Variants in LNX1 observed in about 807,000 individuals in gnomAD.
The protein encoded by LNX1 is E3 ubiquitin-protein ligase LNX.
A neutral mutation model predicts 68.4 loss-of-function variants in LNX1; 54 were observed. That is an observed-to-expected ratio of 0.79 (90% confidence interval 0.63 to 0.99). The LOEUF is 0.99. LNX1 is among the 50% of genes least tolerant of loss of function. The pLI is 0.00. For missense variants in LNX1, 906 were observed against 926.4 expected, an observed-to-expected ratio of 0.98 and a Z score of 0.29; for synonymous variants, 336 against 350.0, an observed-to-expected ratio of 0.96 and a Z score of 0.45.
intron 2 of LNX1, among the ~76,000 whole-genome samples, chr4:53,528,134 G>A (rs190232241): frequency 3.9e-5 from 6 of 152,286 alleles, no homozygotes; most frequent in African/African-American, 7.2e-5. Flanking sequence ...TCCGCTCAGC[G>A]TATTTTCCCT....
rs115931379 is a variant in LNX1 at position 53,460,757 on chromosome 4, G to A, written c.*150C>T. On this transcript the variant is annotated 3_prime_UTR_variant, in exon 11 of 11. Coordinates refer to ENST00000263925, the MANE Select transcript of LNX1 (RefSeq NM_001126328.3). ...TTTTTGGAATCATATTTTCTGAGGT[G>A]TAACTGGCTTTCATTAGATGATCAT... 2.6e-6 allele frequency: 2 copies of A among 766,792 alleles called. No homozygotes were observed. The highest frequency in any genetic ancestry group is 1.9e-5 in the African/African-American group (1 of 53,822). The allele number at this position is 766,792 out of a possible 1,614,324, so 47.5% of individuals were successfully genotyped here. A position where few individuals can be genotyped will look rare whatever the true frequency, so the allele number is the denominator to read the frequency against.
At chr4:53,474,572 A>G (rs903513802) in intron 9 of LNX1, among the ~76,000 whole-genome samples, 20 of 152,238 alleles carry the variant, frequency 1.3e-4, no homozygotes, top group Admixed American at 1.2e-3. Flanking sequence ...AGGGAGGGAG[A>G]CTTACTTTTT....
intron 9 of LNX1, among the ~76,000 whole-genome samples, chr4:53,471,567 G>A (rs1314518595): frequency 6.6e-6 from 1 of 152,004 alleles, no homozygotes; most frequent in Non-Finnish European, 1.5e-5. Context: ...CTACAGAATG[G>A]GAGAACATTT....
intron 2 of LNX1, among the ~76,000 whole-genome samples, chr4:53,519,892 G>A (rs1221462002): frequency 1.3e-5 from 2 of 152,218 alleles, no homozygotes; most frequent in African/African-American, 4.8e-5. Context: ...AGGACTGACT[G>A]GATTCTTGAG....
intron 2 of LNX1, among the ~76,000 whole-genome samples, chr4:53,535,780 A>C (rs1728331401): frequency 1.3e-5 from 2 of 152,212 alleles, no homozygotes; most frequent in South Asian, 4.1e-4. Flanking sequence ...TTCCTCATTC[A>C]TAGTAATTCA....
chr4:53,602,458 G>A (rs1183059785), intron 2 of LNX1, among the ~76,000 whole-genome samples: 3 of 152,168 alleles, frequency 2.0e-5, no homozygotes. Flanking sequence ...CTGTCTTAGG[G>A]TCCTGCAGCA....
At chr4:53,647,671 T>C (rs1734938409) in intron 1 of LNX1, among the ~76,000 whole-genome samples, 1 of 152,230 alleles carries the variant, frequency 6.6e-6, no homozygotes, top group African/African-American at 2.4e-5. Context: ...TCAGTAGTGT[T>C]AAGTGCATTC....
At chr4:53,605,818 T>C (rs1208870692) in intron 2 of LNX1, among the ~76,000 whole-genome samples, 1 of 152,208 alleles carries the variant, frequency 6.6e-6, no homozygotes, top group African/African-American at 2.4e-5. Context: ...TTATCCATCA[T>C]CTATCAATGG....
intron 2 of LNX1, among the ~76,000 whole-genome samples, chr4:53,613,802 A>C (rs533390861): frequency 3.3e-5 from 5 of 152,298 alleles, no homozygotes; most frequent in African/African-American, 1.2e-4. Flanking sequence ...AGAATGATTT[A>C]TATTCCTTTG....
intron 2 of LNX1, among the ~76,000 whole-genome samples, chr4:53,569,042 G>A (rs1730938718): frequency 6.6e-6 from 1 of 150,882 alleles, no homozygotes; most frequent in Non-Finnish European, 1.5e-5. Context: ...AACATTCCAT[G>A]CTCATGGGTA....
chr4:53,541,136 CA>C (rs72599381), intron 2 of LNX1, among the ~76,000 whole-genome samples: 3 of 24,108 alleles, frequency 1.2e-4, no homozygotes, highest in East Asian at 7.8e-4. Context: ...GACTCTAACT[CA>C]AAAAAAAAAG....
Position 53,466,718 on chromosome 4 carries a change from GC to G in LNX1, c.1893-5126del, listed in dbSNP as rs1031857474. Among the ~76,000 whole-genome samples, 51 of 152,246 alleles carry G rather than the reference GC, an allele frequency of 3.3e-4. 1 individual carries two copies. Among genetic ancestry groups the G allele is most frequent in the African/African-American group, 1.1e-3 (47 of 41,468 alleles). On this transcript the variant is annotated intron_variant, in intron 9 of 10. Coordinates refer to ENST00000263925, the MANE Select transcript of LNX1 (RefSeq NM_001126328.3). ...CCGCACCTGGCTCGGAGGGTCCTAT[GC>G]CCAAGGAGCCTTGCTCATTGCTAGC...
chr4:53,466,248 T>A (rs1722672583), intron 9 of LNX1, among the ~76,000 whole-genome samples: 1 of 152,262 alleles, frequency 6.6e-6, no homozygotes, highest in Non-Finnish European at 1.5e-5. Flanking sequence ...AATGAAGTTA[T>A]ATTCACCATC....
intron 4 of LNX1, among the ~76,000 whole-genome samples, chr4:53,506,445 A>G (rs1241937447): frequency 6.6e-6 from 1 of 152,188 alleles, no homozygotes; most frequent in Non-Finnish European, 1.5e-5. Context: ...TCTAAGACTC[A>G]ATAGCTTCCT....
intron 3 of LNX1, 146 bp downstream of exon 3, chr4:53,507,840 G>T: frequency 9.6e-7 from 1 of 1,044,230 alleles, no homozygotes; most frequent in Non-Finnish European, 1.4e-6. Context: ...ATTTCACTTT[G>T]GCGAATTGGA....
At chr4:53,476,711 T>C (rs780496017) in intron 9 of LNX1, 42 bp downstream of exon 9, 1 of 1,540,182 alleles carries the variant, frequency 6.5e-7, no homozygotes, top group African/African-American at 1.4e-5. Context: ...AATGTAATCG[T>C]TTTCTCCCAC....
intron 1 of LNX1, 57 bp downstream of exon 1, chr4:53,591,331 C>A (rs538645796): frequency 2.1e-6 from 2 of 936,168 alleles, no homozygotes; most frequent in African/African-American, 1.8e-5. Flanking sequence ...GTGTTCAGAT[C>A]CCTCAGGGGC....
At chr4:53,545,419 C>A (rs540148412) in intron 2 of LNX1, among the ~76,000 whole-genome samples, 3 of 152,304 alleles carry the variant, frequency 2.0e-5, no homozygotes, top group Non-Finnish European at 4.4e-5. Flanking sequence ...ATCTCCATGA[C>A]AACACAGTAG....
At chr4:53,626,864 C>T (rs2572290) in intron 1 of LNX1, among the ~76,000 whole-genome samples, 49,619 of 152,086 alleles carry the variant, frequency 0.33, 8,518 homozygotes, top group Admixed American at 0.38. Flanking sequence ...CCACACCATG[C>T]ACCCATCTGT....
Sources: gnomAD v4.1 joint callset for allele counts (sites outside exome capture counted in the v4.1 genomes callset) on GRCh38, gnomAD v4.1.1 for gene constraint, MANE v1.5 for transcripts, NCBI Gene and HGNC (gene_info 2026-07-23, HGNC 2026-07-21) for gene names.